The following NELL1 variants were observed in gnomAD, a reference collection of about 807,000 sequenced individuals.
NELL1 encodes the protein protein kinase C-binding protein NELL1.
Under a neutral mutation model 107.4 loss-of-function variants are expected in NELL1, and 76 were observed. The ratio of observed to expected loss-of-function variants is 0.71; its 90% CI spans 0.59 to 0.86. The LOEUF (loss-of-function observed/expected upper bound fraction) is 0.86. NELL1 is among the 40% of genes least tolerant of loss of function. The pLI is 0.00. For missense variants in NELL1, 1,024 were observed against 1,005.5 expected, an observed-to-expected ratio of 1.02 and a Z score of -0.25; for synonymous variants, 353 against 341.2, an observed-to-expected ratio of 1.03 and a Z score of -0.38.
chr11:21,015,638 T>C (rs1242363612), intron 12 of NELL1, among the ~76,000 whole-genome samples: 4 of 152,068 alleles, frequency 2.6e-5, no homozygotes, highest in Non-Finnish European at 4.4e-5. Context: ...TGTTTGGTAA[T>C]GGAGTGTAGG....
chr11:20,908,854 G>T (rs946807233), intron 5 of NELL1, among the ~76,000 whole-genome samples: 5 of 152,080 alleles, frequency 3.3e-5, no homozygotes, highest in Non-Finnish European at 5.9e-5. Flanking sequence ...TGAAAACAGG[G>T]ACTCAAACAG....
intron 12 of NELL1, among the ~76,000 whole-genome samples, chr11:20,961,418 C>T (rs1369867822): frequency 6.6e-6 from 1 of 152,104 alleles, no homozygotes; most frequent in Non-Finnish European, 1.5e-5. Context: ...TCTGTTTGTT[C>T]TGATTCCAAT....
intron 13 of NELL1, among the ~76,000 whole-genome samples, chr11:21,130,337 G>A (rs915628469): frequency 1.3e-5 from 2 of 152,078 alleles, no homozygotes; most frequent in African/African-American, 4.8e-5. Flanking sequence ...GACGATAGAA[G>A]TCTGGCTATG....
rs1013786596 is a variant in NELL1, at chr11:21,309,325, A to C, written c.1550-61528A>C. Among the ~76,000 whole-genome samples the C allele has an allele frequency of 7.0e-5, 10 of 141,960 alleles. 1 individual carries two copies. The highest frequency in any genetic ancestry group is 1.4e-4 in the Admixed American group (2 of 13,856). 93.1% of individuals were successfully genotyped at this position (141,960 alleles called of 152,430 possible). On this transcript the variant is annotated intron_variant, in intron 14 of 19. Transcript: ENST00000357134. Reference sequence around the variant, plus strand: ...GTATATATATATAATATATATATATATTTCCTGAATATGAATAAACTTTCT... The same window carrying C: ...GTATATATATATAATATATATATATCTTTCCTGAATATGAATAAACTTTCT...
intron 13 of NELL1, among the ~76,000 whole-genome samples, chr11:21,133,926 G>A (rs2133761770): frequency 6.6e-6 from 1 of 152,356 alleles, no homozygotes; most frequent in East Asian, 1.9e-4. Flanking sequence ...CCTGTTCCCA[G>A]CTCTTGCAGG....
chr11:21,534,362 T>A lies in NELL1; in HGVS notation c.1646-12T>A. 6.2e-7 allele frequency: 1 copy of A among 1,613,694 alleles called. No homozygotes were observed. Among genetic ancestry groups the A allele is most frequent in the Non-Finnish European group, 8.5e-7 (1 of 1,179,682 alleles). Reference sequence around the variant, plus strand: ...TAATATCCTGGTGGGCTTGTGTTTTTCTCTGAGGCAGATATTGATGAATGT... The same window carrying A: ...TAATATCCTGGTGGGCTTGTGTTTTACTCTGAGGCAGATATTGATGAATGT... On this transcript the variant is annotated splice_polypyrimidine_tract_variant and intron_variant, in intron 15 of 19. Coordinates refer to ENST00000357134, the MANE Select transcript of NELL1 (RefSeq NM_006157.5).
At chr11:20,726,261 A>G (rs1332895942) in intron 2 of NELL1, among the ~76,000 whole-genome samples, 1 of 152,198 alleles carries the variant, frequency 6.6e-6, no homozygotes, top group Non-Finnish European at 1.5e-5. Context: ...ATACCCAGCA[A>G]TGGGATTGTT....
chr11:21,521,536 T>C (rs748400563), intron 15 of NELL1, among the ~76,000 whole-genome samples: 3 of 152,188 alleles, frequency 2.0e-5, no homozygotes, highest in Non-Finnish European at 4.4e-5. Flanking sequence ...TTTTTTGGTG[T>C]ATCAATTGCT....
chr11:20,915,700 GAT>G (rs369114547), intron 5 of NELL1, among the ~76,000 whole-genome samples: 1,174 of 29,494 alleles, frequency 0.04, 119 homozygotes, highest in African/African-American at 0.1. Context: ...CCTCATAGAT[GAT>G]ATATATATAT....
At chr11:21,062,138 T>C (rs1590598517) in intron 12 of NELL1, among the ~76,000 whole-genome samples, 1 of 152,204 alleles carries the variant, frequency 6.6e-6, no homozygotes, top group East Asian at 1.9e-4. Context: ...TAGTCGAATT[T>C]GAGATGTGTT....
At chr11:20,712,616 A>C (rs923470746) in intron 2 of NELL1, among the ~76,000 whole-genome samples, 2 of 152,184 alleles carry the variant, frequency 1.3e-5, no homozygotes, top group Admixed American at 1.3e-4. Flanking sequence ...AATCCAGTAG[A>C]GAGGTCTGCA....
At chr11:20,712,525 T>C (rs1365097519) in intron 2 of NELL1, among the ~76,000 whole-genome samples, 2 of 152,204 alleles carry the variant, frequency 1.3e-5, no homozygotes, top group African/African-American at 4.8e-5. Flanking sequence ...GGAGCTAGTG[T>C]GATCTTTTGG....
At chr11:21,223,833 T>C (rs1280639037) in intron 13 of NELL1, among the ~76,000 whole-genome samples, 4 of 152,204 alleles carry the variant, frequency 2.6e-5, no homozygotes, top group Non-Finnish European at 5.9e-5. Context: ...TTGTTAAGCT[T>C]TTCTCGTAGA....
chr11:20,975,145 A>C (rs1253061731), intron 12 of NELL1, among the ~76,000 whole-genome samples: 2 of 151,918 alleles, frequency 1.3e-5, no homozygotes, highest in East Asian at 3.9e-4. Context: ...AGTAGCTGGG[A>C]CTATAGGTGC....
chr11:21,427,288 A>G (rs1265510750), intron 15 of NELL1, among the ~76,000 whole-genome samples: 2 of 152,192 alleles, frequency 1.3e-5, no homozygotes, highest in Non-Finnish European at 2.9e-5. Flanking sequence ...AGTAAAGGGG[A>G]TTCTGGACTA....
intron 14 of NELL1, among the ~76,000 whole-genome samples, chr11:21,275,747 T>A (rs1848841754): frequency 6.6e-6 from 1 of 152,192 alleles, no homozygotes; most frequent in African/African-American, 2.4e-5. Context: ...TGGTTCAACA[T>A]ACGCAAATCA....
intron 12 of NELL1, among the ~76,000 whole-genome samples, chr11:21,006,633 G>A (rs1449503259): frequency 6.6e-6 from 1 of 151,910 alleles, no homozygotes; most frequent in South Asian, 2.1e-4. Context: ...TTTCCCCTTG[G>A]CGCTTATAAG....
intron 2 of NELL1, among the ~76,000 whole-genome samples, chr11:20,766,267 A>T (rs191408812): frequency 9.8e-5 from 15 of 152,294 alleles, no homozygotes; most frequent in Admixed American, 2.0e-4. Flanking sequence ...AACTATTTTC[A>T]TGTGAAGTCA....
chr11:21,572,758 A>G (rs1206151296), intron 18 of NELL1, among the ~76,000 whole-genome samples: 2 of 151,920 alleles, frequency 1.3e-5, no homozygotes, highest in African/African-American at 2.4e-5. Context: ...CTTAAGAGAA[A>G]TTAATTGCTC....
Sources: allele counts gnomAD v4.1 joint callset (sites outside exome capture counted in the v4.1 genomes callset), GRCh38; gene constraint gnomAD v4.1.1; transcripts MANE v1.5; gene names NCBI Gene and HGNC (gene_info 2026-07-23, HGNC 2026-07-21).